COL4A6: variants seen among roughly 807,000 people sequenced by gnomAD.
The protein encoded by COL4A6 is collagen type IV alpha 6 chain.
Under a neutral mutation model 126.7 loss-of-function variants are expected in COL4A6, and 59 were observed. That is an observed-to-expected ratio of 0.47 (90% CI 0.38 to 0.58). The LOEUF (loss-of-function observed/expected upper bound fraction) is 0.58. COL4A6 is among the 20% of genes least tolerant of loss of function. The probability of loss-of-function intolerance (pLI) is 0.00; values close to 1 mark genes in which losing one functional copy is unlikely to be tolerated. For synonymous variants in COL4A6, 547 were observed against 496.6 expected (o/e 1.10, Z -1.35); for missense variants, 1,285 against 1,337.3 (o/e 0.96, Z 0.61).
At chrX:108,365,949 G>A (rs2040189317) in intron 2 of COL4A6, among the ~76,000 whole-genome samples, 1 of 111,445 alleles carries the variant, frequency 9.0e-6, no homozygotes, top group South Asian at 3.8e-4. Flanking sequence ...ATCTCCAGGA[G>A]AGTAAGAAAA....
At chrX:108,330,118 GTT>G (rs778363962) in intron 2 of COL4A6, among the ~76,000 whole-genome samples, 4 of 111,220 alleles carry the variant, frequency 3.6e-5, no homozygotes, top group South Asian at 7.6e-4. Flanking sequence ...GCAAGGATGA[GTT>G]TGTGCAGAGA....
At chrX:108,217,911 T>C (rs1227018964) in intron 5 of COL4A6, among the ~76,000 whole-genome samples, 2 of 111,867 alleles carry the variant, frequency 1.8e-5, no homozygotes, top group African/African-American at 6.5e-5. Context: ...AAGATGTGGA[T>C]ACCCCACAGG....
At chrX:108,409,299 T>G (rs1260825267) in intron 2 of COL4A6, among the ~76,000 whole-genome samples, 5 of 111,927 alleles carry the variant, frequency 4.5e-5, no homozygotes, top group Non-Finnish European at 9.4e-5. Context: ...CTGTAGCCAA[T>G]AGAGGTTCCC....
At chrX:108,377,077 G>C (rs1053664930) in intron 2 of COL4A6, among the ~76,000 whole-genome samples, 1 of 112,835 alleles carries the variant, frequency 8.9e-6, no homozygotes, top group Non-Finnish European at 1.9e-5. Flanking sequence ...CCGGAGAGGG[G>C]GATGTGGCAA....
intron 2 of COL4A6, among the ~76,000 whole-genome samples, chrX:108,433,252 G>T (rs2064205258): frequency 9.0e-6 from 1 of 111,657 alleles, no homozygotes; most frequent in Non-Finnish European, 1.9e-5. Context: ...GTTGATAATT[G>T]CTCTTAGCTA....
At chrX:108,174,968 C>T in intron 30 of COL4A6, 122 bp downstream of exon 30, 1 of 919,899 alleles carries the variant, frequency 1.1e-6, no homozygotes, top group Non-Finnish European at 1.5e-6. Context: ...CTGCCAGCCA[C>T]ACTGCTGCTC....
rs1491340135 is a variant in COL4A6, at chrX:108,294,414, G to GT, written c.144+16333_144+16334insA. Among the ~76,000 whole-genome samples, 996 of 57,749 alleles carry GT rather than the reference G, an allele frequency of 0.017. 9 individuals carry two copies. In the East Asian group the frequency reaches 0.32, roughly 18 times the overall value. 50.1% of individuals were successfully genotyped at this position (57,749 alleles called of 115,157 possible). On this transcript the variant is annotated intron_variant, in intron 3 of 44. Transcript: ENST00000334504. ...GGGCAATTGTGTTTTTTTTTTTTTTGGTGTGTGTGTGTGTGTGTATGTGGT... is the reference window on the plus strand; with the variant it reads ...GGGCAATTGTGTTTTTTTTTTTTTTGTGTGTGTGTGTGTGTGTGTATGTGGT...
chrX:108,173,443 T>G (rs772625001), intron 31 of COL4A6, among the ~76,000 whole-genome samples: 1 of 106,785 alleles, frequency 9.4e-6, no homozygotes, highest in South Asian at 4.3e-4. Flanking sequence ...CTAGAACTAT[T>G]TATTTTCAAT....
At chrX:108,268,066 G>C (rs746870978) in intron 3 of COL4A6, 3 of 112,084 alleles carry the variant, frequency 2.7e-5, no homozygotes, top group Non-Finnish European at 5.6e-5. Flanking sequence ...AGAAATATAA[G>C]TGTTCACCAG....
At chrX:108,388,329 G>T (rs947695202) in intron 2 of COL4A6, among the ~76,000 whole-genome samples, 1 of 111,952 alleles carries the variant, frequency 8.9e-6, no homozygotes, top group African/African-American at 3.2e-5. Context: ...GAATTCGGCT[G>T]TGAATCCGTC....
rs1349375612 is a variant in COL4A6, at chrX:108,214,136, G to C, written c.417C>G (p.Gly139=). The part of the protein sequence containing the change: ...QGAVGFPGPD[G]YPGLLGPPGL... ...CGGGTGGTCCGAGAAGCCCAGGATA[G>C]CCATCAGGGCCTGGAAATCCAACAG... Residue 139 remains glycine, a synonymous_variant, in exon 6 of 45, where the codon GGC becomes GGG. Transcript: ENST00000334504. The C allele has an allele frequency of 8.3e-7, 1 of 1,205,961 alleles. No individual in the cohort carries two copies. Among genetic ancestry groups the C allele is most frequent in the African/African-American group, 1.8e-5 (1 of 56,991 alleles).
At chrX:108,370,313 T>C (rs747123577) in intron 2 of COL4A6, among the ~76,000 whole-genome samples, 108 of 112,001 alleles carry the variant, frequency 9.6e-4, no homozygotes, top group Non-Finnish European at 1.3e-3. Flanking sequence ...TTTCTTCAAG[T>C]ACCTGGAGCT....
At chrX:108,177,643 T>C (rs1401753361) in intron 27 of COL4A6, among the ~76,000 whole-genome samples, 1 of 112,251 alleles carries the variant, frequency 8.9e-6, no homozygotes, top group Non-Finnish European at 1.9e-5. Context: ...TCAATGGGAT[T>C]AACCTCCTGA....
intron 2 of COL4A6, among the ~76,000 whole-genome samples, chrX:108,370,800 G>C (rs1057294634): frequency 1.8e-5 from 2 of 111,237 alleles, no homozygotes; most frequent in African/African-American, 6.6e-5. Flanking sequence ...CTAGCCCAGC[G>C]TCCAGCACAT....
chrX:108,227,556 T>TG (rs2036203009), intron 3 of COL4A6, among the ~76,000 whole-genome samples: 1 of 94,803 alleles, frequency 1.1e-5, no homozygotes, highest in Non-Finnish European at 2.1e-5. Context: ...TGGGGCAGGG[T>TG]GGGGGGGCTT....
chrX:108,408,263 C>T (rs1206114689), intron 2 of COL4A6, among the ~76,000 whole-genome samples: 3 of 110,416 alleles, frequency 2.7e-5, no homozygotes, highest in African/African-American at 9.9e-5. Context: ...TTGCTGTTTG[C>T]AATGAGTGGA....
chrX:108,433,355 G>A (rs953106476), intron 2 of COL4A6, among the ~76,000 whole-genome samples: 1 of 110,977 alleles, frequency 9.0e-6, no homozygotes, highest in Non-Finnish European at 1.9e-5. Flanking sequence ...CCTATGATCT[G>A]CCTCACTGGG....
chrX:108,262,719 T>A (rs1400275314), intron 3 of COL4A6, among the ~76,000 whole-genome samples: 4 of 110,950 alleles, frequency 3.6e-5, no homozygotes, highest in Non-Finnish European at 7.6e-5. Flanking sequence ...TCTTTACCAG[T>A]TGCTTCAAAA....
At chrX:108,407,135 C>A (rs957245807) in intron 2 of COL4A6, among the ~76,000 whole-genome samples, 2 of 112,256 alleles carry the variant, frequency 1.8e-5, no homozygotes, top group African/African-American at 6.5e-5. Flanking sequence ...TGTAATAGAA[C>A]GGCTTTGTTA....
Sources: gnomAD v4.1 joint callset for allele counts (sites outside exome capture counted in the v4.1 genomes callset) on GRCh38, gnomAD v4.1.1 for gene constraint, MANE v1.5 for transcripts, NCBI Gene and HGNC (gene_info 2026-07-23, HGNC 2026-07-21) for gene names.